The following GRIA1 variants were observed in gnomAD, a reference collection of about 807,000 sequenced individuals.
The protein encoded by GRIA1 is glutamate receptor 1.
GRIA1 carries 31 observed loss-of-function variants against 99.2 expected under a neutral mutation model. The ratio of observed to expected loss-of-function variants is 0.31; its 90% CI spans 0.23 to 0.42. The LOEUF (loss-of-function observed/expected upper bound fraction) is 0.42, where lower values mean the gene tolerates loss of function less well. Ranked by LOEUF, GRIA1 falls within the 10% of genes least tolerant of loss-of-function variation. The pLI, the probability that GRIA1 is intolerant of heterozygous loss-of-function variation, is 1.00. For missense variants in GRIA1, 782 were observed against 1,157.5 expected (o/e 0.68, Z 4.71); for synonymous variants, 438 against 432.4 (o/e 1.01, Z -0.16).
chr5:153,597,573 G>A (rs1561674361), intron 2 of GRIA1, among the ~76,000 whole-genome samples: 2 of 152,188 alleles, frequency 1.3e-5, no homozygotes, highest in Admixed American at 6.5e-5. Context: ...AGTATTCAGT[G>A]AGATAATGCA....
intron 11 of GRIA1, among the ~76,000 whole-genome samples, chr5:153,712,377 G>T (rs1237001011): frequency 6.6e-6 from 1 of 152,126 alleles, no homozygotes; most frequent in Non-Finnish European, 1.5e-5. Flanking sequence ...ACTGACTCAC[G>T]GTAGGAAGAT....
intron 5 of GRIA1, among the ~76,000 whole-genome samples, chr5:153,663,562 A>C (rs1561742875): frequency 6.6e-6 from 1 of 152,222 alleles, no homozygotes; most frequent in African/African-American, 2.4e-5. Flanking sequence ...TAAGATAAAG[A>C]TAAAATGAGT....
At chr5:153,556,467 TC>T in intron 2 of GRIA1, among the ~76,000 whole-genome samples, 1 of 152,188 alleles carries the variant, frequency 6.6e-6, no homozygotes, top group East Asian at 1.9e-4. Flanking sequence ...TGGGAGTTTT[TC>T]CAAGGCAGTA....
At chr5:153,762,666 C>G (rs1199437609) in intron 11 of GRIA1, among the ~76,000 whole-genome samples, 2 of 152,076 alleles carry the variant, frequency 1.3e-5, no homozygotes, top group Non-Finnish European at 2.9e-5. Context: ...AACCTTGACC[C>G]CTTCTCTGTC....
At chr5:153,663,217 C>G (rs939872013) in intron 5 of GRIA1, among the ~76,000 whole-genome samples, 2 of 152,188 alleles carry the variant, frequency 1.3e-5, no homozygotes, top group Non-Finnish European at 2.9e-5. Flanking sequence ...ATTCTGGTCC[C>G]ATTTTATAAG....
chr5:153,796,014 T>C (rs947471883), intron 14 of GRIA1, among the ~76,000 whole-genome samples: 3 of 11,950 alleles, frequency 2.5e-4, no homozygotes, highest in African/African-American at 2.1e-3. Context: ...TTTTTTTAAC[T>C]TTTTTTTTTT....
At chr5:153,503,122 T>C (rs374962223) in intron 2 of GRIA1, among the ~76,000 whole-genome samples, 25 of 152,354 alleles carry the variant, frequency 1.6e-4, no homozygotes, top group African/African-American at 6.0e-4. Flanking sequence ...ATATCTAGTT[T>C]ATTTCCCTTT....
chr5:153,742,694 C>T (rs1761891065), intron 11 of GRIA1, among the ~76,000 whole-genome samples: 1 of 152,150 alleles, frequency 6.6e-6, no homozygotes, highest in Non-Finnish European at 1.5e-5. Context: ...ACTTGTGGCC[C>T]CCTTTTGCTC....
At chr5:153,727,789 G>A (rs9687431) in intron 11 of GRIA1, among the ~76,000 whole-genome samples, 59,347 of 150,658 alleles carry the variant, frequency 0.39, 12,689 homozygotes, top group East Asian at 0.93. Context: ...AATCAATATC[G>A]TGAAAATGGC....
chr5:153,604,872 A>C (rs2149402290), intron 2 of GRIA1, among the ~76,000 whole-genome samples: 1 of 152,302 alleles, frequency 6.6e-6, no homozygotes, highest in South Asian at 2.1e-4. Flanking sequence ...TGAAAATGCA[A>C]GCTACAGAAA....
intron 11 of GRIA1, among the ~76,000 whole-genome samples, chr5:153,761,777 C>G (rs1462767232): frequency 6.6e-6 from 1 of 152,130 alleles, no homozygotes; most frequent in Non-Finnish European, 1.5e-5. Flanking sequence ...ACGTGCCCAT[C>G]AACAGATGAA....
In GRIA1 at chr5:153,637,094, A is replaced by G. The variant is rs531846654; in HGVS notation, c.221-9834A>G. Among the ~76,000 whole-genome samples, 3 of 152,374 alleles carry G rather than the reference A, an allele frequency of 2.0e-5. No individual in the cohort carries two copies. In the South Asian group the frequency reaches 6.2e-4, roughly 32 times the overall value. ...GTGATAAAATGCATGTGAAGTGCCA[A>G]GAATAGAATTTGGAACATAGTAAAC... On this transcript the variant is annotated intron_variant, in intron 2 of 15. Coordinates refer to ENST00000285900, the MANE Select transcript of GRIA1 (RefSeq NM_000827.4).
At chr5:153,809,703 G>A (rs1352187098) in intron 15 of GRIA1, among the ~76,000 whole-genome samples, 1 of 152,226 alleles carries the variant, frequency 6.6e-6, no homozygotes. Flanking sequence ...GGATAGCTGA[G>A]GATTGAGAAG....
intron 5 of GRIA1, among the ~76,000 whole-genome samples, chr5:153,662,822 G>GCAGAGACAGAGA (rs891734127): frequency 6.6e-6 from 1 of 152,178 alleles, no homozygotes; most frequent in Non-Finnish European, 1.5e-5. Flanking sequence ...TGGGGCAGGA[G>GCAGAGACAGAGA]CAGAGACAGA....
intron 5 of GRIA1, among the ~76,000 whole-genome samples, chr5:153,667,921 A>G (rs1413210127): frequency 1.3e-5 from 2 of 152,238 alleles, no homozygotes; most frequent in Non-Finnish European, 2.9e-5. Flanking sequence ...TAATTGGCAT[A>G]TGATAGATGG....
intron 11 of GRIA1, among the ~76,000 whole-genome samples, chr5:153,754,925 C>T (rs1762730105): frequency 6.6e-6 from 1 of 152,136 alleles, no homozygotes; most frequent in South Asian, 2.1e-4. Context: ...AGTTCTGCTG[C>T]TATGAGAGCT....
chr5:153,490,317 G>C (rs1753798135), upstream of GRIA1: 1 of 168,864 alleles, frequency 5.9e-6, no homozygotes. Flanking sequence ...TGGGGGCTGG[G>C]GGAGCGGGCA....
rs921090399 is a variant in GRIA1 at position 153,793,580 on chromosome 5, G to T, written c.2271-1041G>T. Among the ~76,000 whole-genome samples, 17 of 152,316 alleles carry T rather than the reference G, an allele frequency of 1.1e-4. No homozygotes were observed. In the East Asian group the frequency reaches 2.1e-3, roughly 19 times the overall value. On this transcript the variant is annotated intron_variant, in intron 13 of 15. Transcript: ENST00000285900. ...GGTGGCAAACTCAGCCAACAAAATT[G>T]TTCCAGCCTGTGGCTCATGCACCAA... is the stretch of plus-strand genomic sequence containing the variant.
chr5:153,628,250 ATTC>A (rs1767824194), intron 2 of GRIA1, among the ~76,000 whole-genome samples: 1 of 152,122 alleles, frequency 6.6e-6, no homozygotes, highest in African/African-American at 2.4e-5. Context: ...CAGTGATGAG[ATTC>A]TGCTCATCAC....
Sources: gnomAD v4.1 joint callset for allele counts (sites outside exome capture counted in the v4.1 genomes callset) on GRCh38, gnomAD v4.1.1 for gene constraint, MANE v1.5 for transcripts, NCBI Gene and HGNC (gene_info 2026-07-23, HGNC 2026-07-21) for gene names.